Variants in PYGL observed in about 807,000 individuals in gnomAD.
PYGL encodes glycogen phosphorylase L, also known as glycogen phosphorylase, liver form.
PYGL carries 90 observed loss-of-function variants against 100.1 expected under a neutral mutation model. The ratio of observed to expected loss-of-function variants is 0.90; its 90% confidence interval spans 0.76 to 1.07. The LOEUF (loss-of-function observed/expected upper bound fraction) is 1.07, where lower values mean the gene tolerates loss of function less well. Among genes scored for constraint, PYGL ranks in the 50% least tolerant of loss-of-function variants. PYGL has a pLI of 0.00. For synonymous variants in PYGL, 373 were observed against 393.0 expected (o/e 0.95, Z 0.60); for missense variants, 1,016 against 1,057.6 (o/e 0.96, Z 0.55).
intron 2 of PYGL, 50 bp from the exon 3 acceptor site, chr14:50,935,235 T>A: frequency 6.9e-7 from 1 of 1,452,460 alleles, no homozygotes; most frequent in Non-Finnish European, 9.7e-7. Flanking sequence ...ATTCAGGCCA[T>A]TCAGAGGGAC....
At chr14:50,941,445 C>T (rs1293431023) in intron 1 of PYGL, among the ~76,000 whole-genome samples, 1 of 152,124 alleles carries the variant, frequency 6.6e-6, no homozygotes, top group East Asian at 1.9e-4. Context: ...TAGAGCCTCA[C>T]CAAGGCAGGA....
chr14:50,915,468 T>C lies in PYGL; in HGVS notation c.1271A>G (p.Asp424Gly), dbSNP rs199564431. 6.2e-7 allele frequency: 1 copy of C among 1,614,222 alleles called. No homozygotes were observed. The highest frequency in any genetic ancestry group is 2.2e-5 in the East Asian group (1 of 44,888). The change falls in exon 11 of 20, where the codon GAC becomes GGC. Residue 424 changes from aspartate (D) to glycine (G), a missense_variant. Asp to Gly is a moderately conservative substitution (Grantham distance 94, BLOSUM62 -1). Coordinates refer to ENST00000216392, the MANE Select transcript of PYGL (RefSeq NM_002863.5). ...TATCAGAGACATCCTTCTCAGACGG[T>C]CCACATCTTTAGGAAACAAGGCCAC... ...RIVALFPKDVDRLRRMSLIEE... is the reference protein window; with the variant it reads ...RIVALFPKDVGRLRRMSLIEE...
chr14:50,923,190 T>C (rs8006359), intron 5 of PYGL: 85,292 of 152,130 alleles, frequency 0.56, 26,054 homozygotes, highest in African/African-American at 0.79. Flanking sequence ...TCTAGAGGTG[T>C]TTTGTAAATG....
In PYGL at chr14:50,920,972, G is replaced by A; in HGVS notation, c.756C>T (p.Asp252=). ...TGTACTCACAGTCTCTGAGGTTAAA[G>A]TCATTTGGTGCCCGAGCAGACCAGA... is the stretch of plus-strand genomic sequence containing the variant. ...MRLWSARAPN[D]FNLRDFNVGD... Residue 252 remains aspartate, a synonymous_variant, in exon 6 of 20, where the codon GAC becomes GAT. Coordinates refer to ENST00000216392, the MANE Select transcript of PYGL (RefSeq NM_002863.5). The A allele has an allele frequency of 6.2e-7, 1 of 1,613,862 alleles. No homozygotes were observed. Among genetic ancestry groups the A allele is most frequent in the African/African-American group, 1.3e-5 (1 of 75,040 alleles).
In PYGL at chr14:50,909,896, C is replaced by G. The variant is rs754743960; in HGVS notation, c.2176G>C (p.Gly726Arg). The change falls in exon 17 of 20, where the codon GGG becomes CGG. Residue 726 changes from glycine (G) to arginine (R), a missense_variant and splice_region_variant. Coordinates refer to ENST00000216392, the MANE Select transcript of PYGL (RefSeq NM_002863.5). ...IDDVAALDKKGYEAKEYYEAL... is the reference protein window; with the variant it reads ...IDDVAALDKKRYEAKEYYEAL... Reference sequence around the variant, plus strand: ...AGCAAAGAGAAGCTATTCTCTTACCCTTTCTTGTCCAAAGCAGCCACATCA... The same window carrying G: ...AGCAAAGAGAAGCTATTCTCTTACCGTTTCTTGTCCAAAGCAGCCACATCA... 7 of 1,614,164 alleles carry G rather than the reference C, an allele frequency of 4.3e-6. No homozygotes were observed. The highest frequency in any genetic ancestry group is 1.7e-5 in the Admixed American group (1 of 60,024).
intron 4 of PYGL, among the ~76,000 whole-genome samples, chr14:50,927,689 GA>G (rs1348173128): frequency 6.6e-6 from 1 of 152,180 alleles, no homozygotes; most frequent in African/African-American, 2.4e-5. Flanking sequence ...ATCTCCCGCT[GA>G]TTCAATAAAG....
chr14:50,908,021 A>AG (rs2050350981), intron 19 of PYGL: 1 of 4,618 alleles, frequency 2.2e-4, no homozygotes, highest in Non-Finnish European at 6.7e-4. Flanking sequence ...GATCTGTCTC[A>AG]AAAAAAAAAA....
chr14:50,913,314 T>C, intron 12 of PYGL, 184 bp from the exon 13 acceptor site: 1 of 483,842 alleles, frequency 2.1e-6, no homozygotes, highest in South Asian at 3.0e-5. Flanking sequence ...CTTTTGCTAG[T>C]ATCTTAAATG....
chr14:50,941,206 C>A (rs906873594), intron 1 of PYGL, among the ~76,000 whole-genome samples: 6 of 152,142 alleles, frequency 3.9e-5, no homozygotes, highest in African/African-American at 1.4e-4. Context: ...CCTTCAGGAG[C>A]TAGGCAGAGA....
In PYGL at chr14:50,909,899, T is replaced by C. The variant is rs2050374925; in HGVS notation, c.2173A>G (p.Lys725Glu). The part of the protein sequence containing the change: ...RIDDVAALDK[K>E]GYEAKEYYEA... Reference sequence around the variant, plus strand: ...AAAGAGAAGCTATTCTCTTACCCTTTCTTGTCCAAAGCAGCCACATCATCT... The same window carrying C: ...AAAGAGAAGCTATTCTCTTACCCTTCCTTGTCCAAAGCAGCCACATCATCT... The change falls in exon 17 of 20, where the codon AAA (lysine) becomes GAA (glutamate). Residue 725 changes from lysine (K) to glutamate (E), a missense_variant. By Grantham distance (56) the Lys-to-Glu change is moderately conservative (BLOSUM62 1). Coordinates refer to ENST00000216392, the MANE Select transcript of PYGL (RefSeq NM_002863.5). 3.7e-6 allele frequency: 6 copies of C among 1,614,196 alleles called. No homozygotes were observed. Among genetic ancestry groups the C allele is most frequent in the Non-Finnish European group, 5.1e-6 (6 of 1,180,022 alleles).
Position 50,911,793 on chromosome 14 carries a change from T to C in PYGL, c.1906A>G (p.Met636Val), listed in dbSNP as rs765369546. The C allele has an allele frequency of 1.9e-6, 3 of 1,614,164 alleles. No homozygotes were observed. The highest frequency in any genetic ancestry group is 1.7e-5 in the Admixed American group (1 of 60,024). Residue 636 changes from methionine (M) to valine (V), a missense_variant, in exon 16 of 20, where the codon ATG becomes GTG. Met to Val is a conservative substitution (Grantham distance 21). Transcript: ENST00000216392. Reference sequence around the variant, plus strand: ...ATGACTTTCAACTTGCTTCCAACCATAGGGTCATTGTTCACCACATCTGCC... The same window carrying C: ...ATGACTTTCAACTTGCTTCCAACCACAGGGTCATTGTTCACCACATCTGCC... ...SVADVVNNDP[M>V]VGSKLKVIFL...
chr14:50,935,522 C>T (rs894107732), intron 2 of PYGL, among the ~76,000 whole-genome samples: 8 of 152,126 alleles, frequency 5.3e-5, no homozygotes, highest in Non-Finnish European at 2.9e-5. Flanking sequence ...CTGATGATTG[C>T]CGTGAATTAA....
intron 2 of PYGL, among the ~76,000 whole-genome samples, chr14:50,937,503 T>C (rs929479959): frequency 4.6e-5 from 7 of 152,244 alleles, no homozygotes; most frequent in Non-Finnish European, 4.4e-5. Context: ...AAGACTTTGA[T>C]TGCAAAAGAA....
At chr14:50,906,019 T>C (rs1423508400) in intron 19 of PYGL, among the ~76,000 whole-genome samples, 1 of 152,240 alleles carries the variant, frequency 6.6e-6, no homozygotes, top group Non-Finnish European at 1.5e-5. Context: ...AACAATTCAA[T>C]GAGAGGCTTT....
At chr14:50,928,307 A>G (rs553746239) in intron 4 of PYGL, among the ~76,000 whole-genome samples, 5 of 152,338 alleles carry the variant, frequency 3.3e-5, no homozygotes, top group African/African-American at 9.6e-5. Flanking sequence ...TTCTGATGTT[A>G]TAATAACTGA....
chr14:50,942,831 C>T (rs1385596958), intron 1 of PYGL, among the ~76,000 whole-genome samples: 3 of 148,288 alleles, frequency 2.0e-5, no homozygotes, highest in African/African-American at 7.3e-5. Flanking sequence ...TCAAACAAAA[C>T]AAAACAAAAC....
At chr14:50,909,058 G>C in intron 17 of PYGL, 103 bp from the exon 18 acceptor site, 1 of 1,281,142 alleles carries the variant, frequency 7.8e-7, no homozygotes. Context: ...AATACATTCA[G>C]AAATACTAGC....
At chr14:50,940,319 T>A (rs529399168) in intron 1 of PYGL, among the ~76,000 whole-genome samples, 1 of 152,376 alleles carries the variant, frequency 6.6e-6, no homozygotes, top group Admixed American at 6.5e-5. Flanking sequence ...TTATATAGTA[T>A]ATATTCCACA....
chr14:50,921,011 GAC>G lies in PYGL; in HGVS notation c.715_716del (p.Val239GlnfsTer13), dbSNP rs750699019. On this transcript the variant is annotated frameshift_variant, in exon 6 of 20. Coordinates refer to ENST00000216392, the MANE Select transcript of PYGL (RefSeq NM_002863.5). LOFTEE classifies it high-confidence loss of function. ...TPVPGYMNNT[V>X]NTMRLWSARA... ...GAGCAGACCAGAGGCGCATGGTGTTGACAGTGTTATTCATGTAGCCGGGCACG... is the reference window on the plus strand; with the variant it reads ...GAGCAGACCAGAGGCGCATGGTGTTGAGTGTTATTCATGTAGCCGGGCACG... 5 of 1,614,234 alleles carry G rather than the reference GAC, an allele frequency of 3.1e-6. No homozygotes were observed. Among genetic ancestry groups the G allele is most frequent in the Middle Eastern group, 1.6e-4 (1 of 6,062 alleles).
Sources: gnomAD v4.1 joint callset for allele counts (sites outside exome capture counted in the v4.1 genomes callset) on GRCh38, gnomAD v4.1.1 for gene constraint, MANE v1.5 for transcripts, NCBI Gene and HGNC (gene_info 2026-07-23, HGNC 2026-07-21) for gene names.